The following PDE6D variants were observed in gnomAD, a reference collection of about 807,000 sequenced individuals.
The protein encoded by PDE6D is phosphodiesterase 6D.
PDE6D carries 10 observed loss-of-function variants against 21.9 expected under a neutral mutation model. The ratio of observed to expected loss-of-function variants is 0.46; its 90% CI spans 0.28 to 0.78. PDE6D has a LOEUF of 0.78. PDE6D is among the 30% of genes least tolerant of loss of function. The pLI is 0.12. For synonymous variants in PDE6D, 59 were observed against 63.5 expected (o/e 0.93, Z 0.34); for missense variants, 139 against 184.8 (o/e 0.75, Z 1.44).
In PDE6D at chr2:231,742,654, A is replaced by G. The variant is rs915974042; in HGVS notation, c.51-3466T>C. On this transcript the variant is annotated intron_variant, in intron 1 of 4. Coordinates refer to ENST00000287600, the MANE Select transcript of PDE6D (RefSeq NM_002601.4). ...TATGTATAATATAGATATAGTTTAC[A>G]TGTGTCTTTTTTTTGGTTTTCTTTT... Among the ~76,000 whole-genome samples the G allele has an allele frequency of 5.3e-5, 8 of 152,204 alleles. No homozygotes were observed. In the East Asian group the frequency reaches 9.6e-4, roughly 18 times the overall value.
At chr2:231,762,107 A>T (rs2048935405) in intron 1 of PDE6D, among the ~76,000 whole-genome samples, 1 of 152,196 alleles carries the variant, frequency 6.6e-6, no homozygotes, top group Non-Finnish European at 1.5e-5. Flanking sequence ...AAGATGATGT[A>T]TTGAGTTATT....
At chr2:231,767,357 C>T (rs2048979637) in intron 1 of PDE6D, among the ~76,000 whole-genome samples, 1 of 151,926 alleles carries the variant, frequency 6.6e-6, no homozygotes, top group Non-Finnish European at 1.5e-5. Context: ...TCTCCGTTGC[C>T]AAGGCTGGAG....
At chr2:231,776,321 CAAAAAAAAAAA>C (rs1008155828) in intron 1 of PDE6D, among the ~76,000 whole-genome samples, 3 of 54,052 alleles carry the variant, frequency 5.6e-5, no homozygotes, top group African/African-American at 8.1e-5. Flanking sequence ...GACTCCGTCT[CAAAAAAAAAAA>C]AAAAAAAAAA....
At chr2:231,744,925 T>G (rs946808476) in intron 1 of PDE6D, among the ~76,000 whole-genome samples, 5 of 152,182 alleles carry the variant, frequency 3.3e-5, no homozygotes, top group Admixed American at 1.3e-4. Context: ...TTGTAAGATT[T>G]TATCCTCAAT....
chr2:231,746,502 C>T (rs2106267385), intron 1 of PDE6D, among the ~76,000 whole-genome samples: 1 of 152,176 alleles, frequency 6.6e-6, no homozygotes, highest in Admixed American at 6.5e-5. Flanking sequence ...CCCAGGGAAG[C>T]CAAAAGATTG....
chr2:231,765,242 C>T (rs552296507), intron 1 of PDE6D, among the ~76,000 whole-genome samples: 1 of 152,058 alleles, frequency 6.6e-6, no homozygotes, highest in African/African-American at 2.4e-5. Flanking sequence ...CACTGCACTT[C>T]AGCCTGGGTG....
chr2:231,744,080 T>A (rs1382456426), intron 1 of PDE6D, among the ~76,000 whole-genome samples: 1 of 152,178 alleles, frequency 6.6e-6, no homozygotes, highest in African/African-American at 2.4e-5. Context: ...TAAAATGACT[T>A]CTACAGTTCC....
At position 231,739,366 on chromosome 2, in the gene PDE6D, G is replaced by A. The variant is rs2048729859; in HGVS notation, c.51-178C>T. The A allele has an allele frequency of 2.7e-6, 2 of 731,118 alleles. No individual in the cohort carries two copies. The highest frequency in any genetic ancestry group is 5.0e-6 in the Non-Finnish European group (2 of 396,396). 45.3% of individuals were successfully genotyped at this position (731,118 alleles called of 1,614,324 possible). ...AGAGTCAAAAAGACATCTAAAGGAA[G>A]AAGCAGAAACCTAGAGAAGTTACTT... On this transcript the variant is annotated intron_variant, in intron 1 of 4. Coordinates refer to ENST00000287600, the MANE Select transcript of PDE6D (RefSeq NM_002601.4). The surrounding 1 kb of genome is among the most constrained non-coding windows in gnomAD (Gnocchi z 4.2).
intron 4 of PDE6D, among the ~76,000 whole-genome samples, chr2:231,735,902 C>T (rs1273909074): frequency 6.6e-6 from 1 of 151,820 alleles, no homozygotes; most frequent in South Asian, 2.1e-4. Context: ...GTGGTGTATG[C>T]CTGTAATCCC....
intron 1 of PDE6D, among the ~76,000 whole-genome samples, chr2:231,760,036 T>A (rs1308203780): frequency 6.6e-6 from 1 of 152,158 alleles, no homozygotes; most frequent in Admixed American, 6.5e-5. Context: ...CTTTTATACC[T>A]CCAAAATAAT....
intron 1 of PDE6D, among the ~76,000 whole-genome samples, chr2:231,775,486 T>C (rs2049048296): frequency 2.1e-5 from 2 of 94,686 alleles, no homozygotes; most frequent in Admixed American, 1.1e-4. Context: ...TTTTTGTGTG[T>C]GTTTTTTTTT....
chr2:231,734,068 G>C (rs2048673383), intron 4 of PDE6D, among the ~76,000 whole-genome samples: 1 of 151,904 alleles, frequency 6.6e-6, no homozygotes, highest in African/African-American at 2.4e-5. Context: ...AAAAAAATTA[G>C]CCAGGCGTGG....
In PDE6D at chr2:231,739,533, C is replaced by G. The variant is rs961441809; in HGVS notation, c.51-345G>C. On this transcript the variant is annotated intron_variant, in intron 1 of 4. Transcript: ENST00000287600. This position sits in a 1 kb window ranked among gnomAD's most constrained non-coding sequence, Gnocchi z 4.2. ...CTAAAGAAACAAATATCAGATGTAC[C>G]CCAAGGAAACAACTCATGAAGATCA... Among the ~76,000 whole-genome samples the G allele has an allele frequency of 6.6e-6, 1 of 152,068 alleles. No individual in the cohort carries two copies. Among genetic ancestry groups the G allele is most frequent in the Admixed American group, 6.6e-5 (1 of 15,250 alleles).
At chr2:231,745,004 C>T (rs1231623548) in intron 1 of PDE6D, among the ~76,000 whole-genome samples, 4 of 152,090 alleles carry the variant, frequency 2.6e-5, no homozygotes, top group African/African-American at 9.7e-5. Context: ...GAAGGCCCCT[C>T]TAAGTTCTGT....
At chr2:231,744,766 A>G (rs1191455074) in intron 1 of PDE6D, among the ~76,000 whole-genome samples, 3 of 152,108 alleles carry the variant, frequency 2.0e-5, no homozygotes, top group Non-Finnish European at 4.4e-5. Flanking sequence ...ATCACATAAA[A>G]ATATATTCTA....
chr2:231,744,921 G>C (rs1295567247), intron 1 of PDE6D, among the ~76,000 whole-genome samples: 5 of 152,078 alleles, frequency 3.3e-5, no homozygotes, highest in Non-Finnish European at 1.5e-5. Context: ...AGTTTTGTAA[G>C]ATTTTATCCT....
rs940460908 is a variant in PDE6D at position 231,732,826 on chromosome 2, T to C, written c.*126A>G. 1.5e-6 allele frequency: 1 copy of C among 679,816 alleles called. No homozygotes were observed. Among genetic ancestry groups the C allele is most frequent in the Admixed American group, 2.2e-5 (1 of 44,726 alleles). 42.1% of individuals were successfully genotyped at this position (679,816 alleles called of 1,614,324 possible). Reference sequence around the variant, plus strand: ...GAGCTGGTCCCCTGGTGGCTGCAGGTAGGTTCTGCTGTTGAGGGAATTAGG... The same window carrying C: ...GAGCTGGTCCCCTGGTGGCTGCAGGCAGGTTCTGCTGTTGAGGGAATTAGG... On this transcript the variant is annotated 3_prime_UTR_variant, in exon 5 of 5. Coordinates refer to ENST00000287600, the MANE Select transcript of PDE6D (RefSeq NM_002601.4).
chr2:231,762,257 T>C (rs2106279605), intron 1 of PDE6D, among the ~76,000 whole-genome samples: 1 of 152,146 alleles, frequency 6.6e-6, no homozygotes, highest in East Asian at 1.9e-4. Context: ...TGTGTGGCTA[T>C]TAAAAAGTAG....
At chr2:231,773,930 C>CATTATT (rs567039985) in intron 1 of PDE6D, among the ~76,000 whole-genome samples, 2 of 151,406 alleles carry the variant, frequency 1.3e-5, no homozygotes, top group African/African-American at 4.9e-5. Flanking sequence ...ACACTATTGT[C>CATTATT]ATTATTATTA....
Sources: allele counts gnomAD v4.1 joint callset (sites outside exome capture counted in the v4.1 genomes callset), GRCh38; gene constraint gnomAD v4.1.1; non-coding constraint Gnocchi (gnomAD v3.1); transcripts MANE v1.5; gene names NCBI Gene and HGNC (gene_info 2026-07-23, HGNC 2026-07-21).